The following LIPA variants were observed in gnomAD, a reference collection of about 807,000 sequenced individuals.
The protein encoded by LIPA is lysosomal acid lipase/cholesteryl ester hydrolase.
Under a neutral mutation model 40.6 loss-of-function variants are expected in LIPA, and 26 were observed. The observed-to-expected ratio is 0.64, with a 90% CI of 0.47 to 0.89. LIPA has a LOEUF of 0.89. Ranked by LOEUF, LIPA falls within the 40% of genes least tolerant of loss-of-function variation. The pLI is 0.00. For missense variants in LIPA, 455 were observed against 479.6 expected (o/e 0.95, Z 0.48); for synonymous variants, 188 against 168.4 (o/e 1.12, Z -0.90).
In LIPA at chr10:89,384,336, G is replaced by T. The variant is rs754366883; in HGVS notation, c.61+28455C>A. On this transcript the variant is annotated intron_variant, in intron 2 of 8. Transcript: ENST00000371837. Reference sequence around the variant, plus strand: ...TAATGTTAAAGCGAACATTTGAGATGGCCTATGTTGACCTGGCTGAAACGT... The same window carrying T: ...TAATGTTAAAGCGAACATTTGAGATTGCCTATGTTGACCTGGCTGAAACGT... The T allele has an allele frequency of 1.9e-6, 3 of 1,614,146 alleles. No homozygotes were observed. In the Admixed American group the frequency reaches 5.0e-5, roughly 27 times the overall value.
At chr10:89,413,879 A>G (rs1258215514) in intron 1 of LIPA, among the ~76,000 whole-genome samples, 1 of 151,906 alleles carries the variant, frequency 6.6e-6, no homozygotes, top group African/African-American at 2.4e-5. Flanking sequence ...TGTTTTCTTT[A>G]TTGTTATATT....
At chr10:89,362,660 G>A in intron 2 of LIPA, 1 of 555,784 alleles carries the variant, frequency 1.8e-6, no homozygotes, top group South Asian at 3.7e-5. Flanking sequence ...AGACTTACCT[G>A]GATAAGGTAG....
rs370295402 is a variant in LIPA, at chr10:89,245,633, C to T, written c.229+43G>A. On this transcript the variant is annotated intron_variant, in intron 3 of 9. Coordinates refer to ENST00000336233, the MANE Select transcript of LIPA (RefSeq NM_000235.4). ...TCTGAACTTGGTTACTAACACAAAA[C>T]CCAGAAGAATTCTGGTTTTTACTTT... 1.2e-5 allele frequency: 12 copies of T among 997,154 alleles called. No individual in the cohort carries two copies. In the African/African-American group the frequency reaches 1.9e-4, roughly 16 times the overall value. 61.8% of individuals were successfully genotyped at this position (997,154 alleles called of 1,614,324 possible).
In LIPA at chr10:89,383,874, C is replaced by A. The variant is rs536366720; in HGVS notation, c.61+28917G>T. Reference sequence around the variant, plus strand: ...CTGGGTACGCAATCACCGTCTATCGCCTGGATAAATTTAACACAGCATCAG... The same window carrying A: ...CTGGGTACGCAATCACCGTCTATCGACTGGATAAATTTAACACAGCATCAG... On this transcript the variant is annotated intron_variant, in intron 2 of 8. Transcript: ENST00000371837. 4.4e-5 allele frequency: 71 copies of A among 1,614,158 alleles called. No individual in the cohort carries two copies. In the South Asian group the frequency reaches 7.6e-4, roughly 17 times the overall value.
At chr10:89,248,220 G>A (rs1843058604) in intron 1 of LIPA, among the ~76,000 whole-genome samples, 1 of 150,430 alleles carries the variant, frequency 6.6e-6, no homozygotes. Context: ...GGAGTGCAGT[G>A]GCACAATCTC....
chr10:89,245,495 T>G (rs1843011747), intron 3 of LIPA, among the ~76,000 whole-genome samples, 181 bp downstream of exon 3: 1 of 152,240 alleles, frequency 6.6e-6, no homozygotes. Flanking sequence ...AAAAATTAGA[T>G]GACTCTTGTC....
chr10:89,412,221 A>C (rs1201747249), intron 2 of LIPA, among the ~76,000 whole-genome samples: 1 of 152,172 alleles, frequency 6.6e-6, no homozygotes, highest in Non-Finnish European at 1.5e-5. Flanking sequence ...TTGAGAGGTG[A>C]AGCTGGCTGG....
chr10:89,370,781 C>T (rs1844087103), intron 2 of LIPA, among the ~76,000 whole-genome samples: 1 of 152,152 alleles, frequency 6.6e-6, no homozygotes, highest in Non-Finnish European at 1.5e-5. Context: ...CTTTGGGAGG[C>T]TGAGGCAGGC....
At chr10:89,242,233 T>TA (rs1310580127) in intron 3 of LIPA, among the ~76,000 whole-genome samples, 2 of 152,176 alleles carry the variant, frequency 1.3e-5, no homozygotes, top group Non-Finnish European at 2.9e-5. Context: ...CAACACTTCC[T>TA]AAGAAGGTTG....
At chr10:89,368,874 CAT>C (rs1589623898) in intron 2 of LIPA, among the ~76,000 whole-genome samples, 1 of 151,784 alleles carries the variant, frequency 6.6e-6, no homozygotes, top group South Asian at 2.1e-4. Context: ...TACACACAAA[CAT>C]ATAAACTTAC....
intron 2 of LIPA, among the ~76,000 whole-genome samples, chr10:89,373,762 T>G (rs1415635060): frequency 6.6e-6 from 1 of 152,216 alleles, no homozygotes; most frequent in Non-Finnish European, 1.5e-5. Flanking sequence ...TCTGTGAAAC[T>G]TTAATGTACC....
At chr10:89,311,371 C>CA (rs902679174) in intron 1 of LIPA, among the ~76,000 whole-genome samples, 22 of 150,272 alleles carry the variant, frequency 1.5e-4, no homozygotes, top group Admixed American at 5.3e-4. Context: ...AAAAAAAATA[C>CA]AAAAAAAAAT....
chr10:89,266,996 AGGTGTGGGT>A (rs1843239319), intron 1 of LIPA, among the ~76,000 whole-genome samples: 1 of 152,254 alleles, frequency 6.6e-6, no homozygotes, highest in African/African-American at 2.4e-5. Context: ...CTGGGGAATA[AGGTGTGGGT>A]GGCTATGAAT....
intron 2 of LIPA, chr10:89,378,068 A>T: frequency 1.9e-6 from 3 of 1,571,428 alleles, no homozygotes; most frequent in Non-Finnish European, 2.6e-6. Flanking sequence ...AACTCTGTGG[A>T]TGAACCTTGA....
intron 1 of LIPA, among the ~76,000 whole-genome samples, chr10:89,317,271 A>T (rs1417739958): frequency 6.6e-6 from 1 of 152,214 alleles, no homozygotes; most frequent in Non-Finnish European, 1.5e-5. Context: ...AATTTCTTCG[A>T]GCTAAGGGAG....
At chr10:89,413,205 T>C (rs896121467) in intron 1 of LIPA, among the ~76,000 whole-genome samples, 93 of 152,350 alleles carry the variant, frequency 6.1e-4, no homozygotes, top group African/African-American at 2.1e-3. Context: ...AAAAAGCAGA[T>C]TCGTATACCT....
chr10:89,362,953 C>A (rs1282013154), intron 2 of LIPA: 4 of 269,494 alleles, frequency 1.5e-5, no homozygotes, highest in Non-Finnish European at 2.2e-5. Flanking sequence ...CCAAAAGATG[C>A]ACACATTAAG....
chr10:89,330,045 G>A (rs913226654), intron 1 of LIPA, among the ~76,000 whole-genome samples: 5 of 152,248 alleles, frequency 3.3e-5, no homozygotes, highest in East Asian at 1.9e-4. Flanking sequence ...TAATGTCATC[G>A]GTTAAGGCAG....
At chr10:89,264,102 C>T (rs1483763470) in intron 1 of LIPA, among the ~76,000 whole-genome samples, 1 of 152,194 alleles carries the variant, frequency 6.6e-6, no homozygotes, top group Admixed American at 6.5e-5. Flanking sequence ...CCTGGAAGGG[C>T]CTCTGCTCTT....
Sources: gnomAD v4.1 joint callset for allele counts (sites outside exome capture counted in the v4.1 genomes callset) on GRCh38, gnomAD v4.1.1 for gene constraint, MANE v1.5 for transcripts, NCBI Gene and HGNC (gene_info 2026-07-23, HGNC 2026-07-21) for gene names.